Variants in DCTN5 observed in about 807,000 individuals in gnomAD.
DCTN5 encodes dynactin 4.
In DCTN5, 14 loss-of-function variants were observed where a neutral mutation model predicts 23.5. That is an observed-to-expected ratio of 0.60 (90% CI 0.39 to 0.93). DCTN5 has a LOEUF of 0.93. DCTN5 is among the 40% of genes least tolerant of loss of function. The pLI is 0.00. For synonymous variants in DCTN5, 67 were observed against 79.6 expected (o/e 0.84, Z 0.84); for missense variants, 156 against 225.9 (o/e 0.69, Z 1.98).
chr16:23,647,196 G>A (rs1017918552), intron 2 of DCTN5, among the ~76,000 whole-genome samples: 5 of 149,560 alleles, frequency 3.3e-5, no homozygotes, highest in African/African-American at 9.9e-5. Context: ...GCAGTGGCAC[G>A]ATCTCAGCTT....
chr16:23,651,905 T>C (rs578111150), intron 2 of DCTN5, among the ~76,000 whole-genome samples: 7 of 152,222 alleles, frequency 4.6e-5, no homozygotes, highest in Non-Finnish European at 7.4e-5. Context: ...TGTGATGGCA[T>C]GCGCCTGTAA....
chr16:23,653,722 G>A (rs1170874951), intron 2 of DCTN5, among the ~76,000 whole-genome samples: 4 of 152,274 alleles, frequency 2.6e-5, no homozygotes, highest in Non-Finnish European at 4.4e-5. Flanking sequence ...AAACTAAAGC[G>A]CTTCTGCACA....
At chr16:23,647,132 C>G (rs1341873616) in intron 2 of DCTN5, among the ~76,000 whole-genome samples, 2 of 63,918 alleles carry the variant, frequency 3.1e-5, no homozygotes, top group Non-Finnish European at 5.4e-5. Flanking sequence ...AATAAGTTTT[C>G]TGGTTTTTTT....
At position 23,669,639 on chromosome 16, in the gene DCTN5, G is replaced by C. The variant is rs1967971855; in HGVS notation, c.*2495G>C. 1 of 152,452 alleles carries C rather than the reference G, an allele frequency of 6.6e-6. No homozygotes were observed. The highest frequency in any genetic ancestry group is 2.1e-4 in the South Asian group (1 of 4,828). The allele number at this position is 152,452 out of a possible 1,614,324, so 9.4% of individuals were successfully genotyped here. ...ACGAATGGGTGCTGGGCAGGACAAA[G>C]CATCAGCTGTCCAGTTCAGGCCTCT... On this transcript the variant is annotated 3_prime_UTR_variant, in exon 6 of 6. Transcript: ENST00000300087.
Position 23,665,633 on chromosome 16 carries a change from G to A in DCTN5, c.356G>A (p.Arg119Gln), listed in dbSNP as rs757459361. Residue 119 changes from arginine (R) to glutamine (Q), a missense_variant, in exon 5 of 6, where the codon CGA becomes CAA. By Grantham distance (43) the Arg-to-Gln change is conservative. Coordinates refer to ENST00000300087, the MANE Select transcript of DCTN5 (RefSeq NM_032486.4). ...HVGKNCVIGR[R>Q]CVLKDCCKIL... The stretch of plus-strand genomic sequence containing the variant: ...ACAAGATTTTAATTTCAGGGGCGCC[G>A]ATGTGTGTTGAAAGACTGCTGCAAA... 5 of 1,612,634 alleles carry A rather than the reference G, an allele frequency of 3.1e-6. No individual in the cohort carries two copies. The highest frequency in any genetic ancestry group is 2.2e-5 in the East Asian group (1 of 44,876).
chr16:23,662,051 T>TAAA (rs113915766), intron 4 of DCTN5, among the ~76,000 whole-genome samples: 6 of 137,944 alleles, frequency 4.3e-5, no homozygotes, highest in African/African-American at 1.6e-4. Context: ...CCCTTTCTCT[T>TAAA]AAAAAAAAAA....
intron 1 of DCTN5, among the ~76,000 whole-genome samples, chr16:23,642,167 A>C (rs1279660244): frequency 1.3e-5 from 2 of 152,120 alleles, no homozygotes; most frequent in Non-Finnish European, 2.9e-5. Flanking sequence ...TCTTGACCTC[A>C]GGTGATCGAC....
chr16:23,661,250 C>G lies in DCTN5; in HGVS notation c.317C>G (p.Ser106Cys). The change falls in exon 4 of 6, where the codon TCC (serine) becomes TGC (cysteine). Residue 106 changes from serine (S) to cysteine (C), a missense_variant. Coordinates refer to ENST00000300087, the MANE Select transcript of DCTN5 (RefSeq NM_032486.4). ...GTGGTCAACGCAGCACAGATTGGTT[C>G]CTATGTTCATGTTGGGAAGAACTGT... ...DCVVNAAQIG[S>C]YVHVGKNCVI... is the part of the protein sequence containing the mutation. The G allele has an allele frequency of 6.2e-7, 1 of 1,612,370 alleles. No individual in the cohort carries two copies. Among genetic ancestry groups the G allele is most frequent in the South Asian group, 1.1e-5 (1 of 90,552 alleles).
chr16:23,659,727 C>T (rs1418453435), intron 3 of DCTN5, among the ~76,000 whole-genome samples: 1 of 152,120 alleles, frequency 6.6e-6, no homozygotes. Context: ...TGTTGGATTC[C>T]AGGCTTTCCA....
chr16:23,645,259 C>G (rs750012881), intron 2 of DCTN5, among the ~76,000 whole-genome samples: 71 of 149,942 alleles, frequency 4.7e-4, no homozygotes, highest in Non-Finnish European at 8.6e-4. Flanking sequence ...CTCAGACTCC[C>G]CAGTTACAGG....
At chr16:23,661,093 G>T in intron 3 of DCTN5, 77 bp from the exon 4 acceptor site, 1 of 923,918 alleles carries the variant, frequency 1.1e-6, no homozygotes, top group South Asian at 1.6e-5. Flanking sequence ...TTCAAATTAT[G>T]ATCTGTAGTT....
chr16:23,660,425 T>C (rs895460598), intron 3 of DCTN5, among the ~76,000 whole-genome samples: 1 of 152,230 alleles, frequency 6.6e-6, no homozygotes, highest in African/African-American at 2.4e-5. Context: ...ACAGAACCAC[T>C]GTCAGTGACA....
chr16:23,662,185 T>TA (rs1254801464), intron 4 of DCTN5, among the ~76,000 whole-genome samples: 5 of 152,114 alleles, frequency 3.3e-5, no homozygotes, highest in African/African-American at 1.2e-4. Context: ...TCACGGAGCT[T>TA]ACAGTCTAAT....
chr16:23,653,631 C>G (rs1276650989), intron 2 of DCTN5, among the ~76,000 whole-genome samples: 2 of 152,154 alleles, frequency 1.3e-5, no homozygotes, highest in East Asian at 3.8e-4. Flanking sequence ...CCATTCAGGA[C>G]ATAGGTACAG....
Position 23,641,487 on chromosome 16 carries a change from A to G in DCTN5, c.-56A>G, listed in dbSNP as rs1334489019. Reference sequence around the variant, plus strand: ...GGCCGGAAGTAGCCGGAATCTCTGAAAGACTGACCGACTGACTCTGACAGG... The same window carrying G: ...GGCCGGAAGTAGCCGGAATCTCTGAGAGACTGACCGACTGACTCTGACAGG... On this transcript the variant is annotated 5_prime_UTR_variant, in exon 1 of 6. Coordinates refer to ENST00000300087, the MANE Select transcript of DCTN5 (RefSeq NM_032486.4). The G allele has an allele frequency of 1.9e-6, 3 of 1,609,752 alleles. No individual in the cohort carries two copies. The highest frequency in any genetic ancestry group is 2.7e-5 in the African/African-American group (2 of 74,974).
Position 23,667,114 on chromosome 16 carries a change from C to A in DCTN5, c.519C>A (p.Tyr173Ter). 1.2e-6 allele frequency: 2 copies of A among 1,613,030 alleles called. No homozygotes were observed. Among genetic ancestry groups the A allele is most frequent in the South Asian group, 2.2e-5 (2 of 91,024 alleles). The part of the protein sequence containing the change: ...ELMIDVTKSY[Y>*]QKFLPLTQV The stretch of plus-strand genomic sequence containing the variant: ...TGATTGACGTCACCAAGAGCTACTA[C>A]CAGAAGTTTTTGCCCCTGACGCAAG... The change falls in exon 6 of 6, where the codon TAC (tyrosine) becomes TAA (stop). Residue 173 changes from tyrosine to a stop codon, truncating the protein, a stop_gained. Coordinates refer to ENST00000300087, the MANE Select transcript of DCTN5 (RefSeq NM_032486.4). LOFTEE classifies it high-confidence loss of function.
intron 2 of DCTN5, among the ~76,000 whole-genome samples, chr16:23,651,525 T>A (rs1252827791): frequency 6.6e-6 from 1 of 152,212 alleles, no homozygotes; most frequent in Non-Finnish European, 1.5e-5. Flanking sequence ...TGTACTTATT[T>A]AAAACACAAT....
At chr16:23,643,093 C>A in intron 2 of DCTN5, 70 bp downstream of exon 2, 2 of 1,297,642 alleles carry the variant, frequency 1.5e-6, no homozygotes, top group Non-Finnish European at 2.2e-6. Context: ...CACAGCAGGG[C>A]AGATAAAATG....
chr16:23,648,344 C>CTTTTTTCT lies in DCTN5; in HGVS notation c.117+5327_117+5328insCTTTTTTT, dbSNP rs1446479407. Among the ~76,000 whole-genome samples the CTTTTTTCT allele has an allele frequency of 4.0e-3, 427 of 105,552 alleles. 3 individuals carry two copies. The highest frequency in any genetic ancestry group is 0.014 in the African/African-American group (393 of 27,878). 69.2% of individuals were successfully genotyped at this position (105,552 alleles called of 152,430 possible). On this transcript the variant is annotated intron_variant, in intron 2 of 5. Coordinates refer to ENST00000300087, the MANE Select transcript of DCTN5 (RefSeq NM_032486.4). ...GCTGGCTAATTTTTTTTTCTTTTTT[C>CTTTTTTCT]TTTTTTTTTTTTTTTTTTTTTTAGA...
Sources: allele counts gnomAD v4.1 joint callset (sites outside exome capture counted in the v4.1 genomes callset), GRCh38; gene constraint gnomAD v4.1.1; transcripts MANE v1.5; gene names NCBI Gene and HGNC (gene_info 2026-07-23, HGNC 2026-07-21).